MPDZ: variants seen among roughly 807,000 people sequenced by gnomAD.
MPDZ encodes the protein multiple PDZ domain crumbs cell polarity complex component, also known as multiple PDZ domain protein.
In MPDZ, 234 loss-of-function variants were observed where a neutral mutation model predicts 239.1. The ratio of observed to expected loss-of-function variants is 0.98; its 90% confidence interval spans 0.88 to 1.09. MPDZ has a LOEUF of 1.09. Ranked by LOEUF, MPDZ falls within the 50% of genes least tolerant of loss-of-function variation. The probability of loss-of-function intolerance (pLI) is 0.00; values close to 1 mark genes in which losing one functional copy is unlikely to be tolerated. For synonymous variants in MPDZ, 1,048 were observed against 881.3 expected, an observed-to-expected ratio of 1.19 and a Z score of -3.35; for missense variants, 3,175 against 2,510.0, an observed-to-expected ratio of 1.26 and a Z score of -5.66.
chr9:13,273,415 G>C (rs1409184984), intron 1 of MPDZ, among the ~76,000 whole-genome samples: 2 of 152,140 alleles, frequency 1.3e-5, no homozygotes, highest in Non-Finnish European at 2.9e-5. Flanking sequence ...TTCTATGACA[G>C]TTCCCTGAAG....
At chr9:13,164,719 A>G (rs530171816) in intron 22 of MPDZ, among the ~76,000 whole-genome samples, 1 of 152,168 alleles carries the variant, frequency 6.6e-6, no homozygotes, top group East Asian at 1.9e-4. Context: ...TATTTTTCTG[A>G]TACTTTGCAT....
chr9:13,120,566 A>G (rs144513287), intron 38 of MPDZ: 1 of 152,360 alleles, frequency 6.6e-6, no homozygotes, highest in East Asian at 1.9e-4. Flanking sequence ...TTCCAAAAAA[A>G]GTCTATTTTT....
rs774907161 is a variant in MPDZ, at chr9:13,123,144, G to A, written c.4953+9C>T. ...GGCCTGTACAGAAGCACCTCTGGGTGGTGCTCACCAGCAGCGTGTCTGAAC... is the reference window on the plus strand; with the variant it reads ...GGCCTGTACAGAAGCACCTCTGGGTAGTGCTCACCAGCAGCGTGTCTGAAC... On this transcript the variant is annotated intron_variant, in intron 36 of 46. Coordinates refer to ENST00000319217, the MANE Select transcript of MPDZ (RefSeq NM_001378778.1). 3 of 1,610,066 alleles carry A rather than the reference G, an allele frequency of 1.9e-6. No homozygotes were observed. Among genetic ancestry groups the A allele is most frequent in the Non-Finnish European group, 2.5e-6 (3 of 1,178,274 alleles).
In MPDZ at chr9:13,109,034, G is replaced by C. The variant is rs538619524; in HGVS notation, c.5968C>G (p.Leu1990Val). The C allele has an allele frequency of 1.6e-5, 25 of 1,565,936 alleles. No homozygotes were observed. In the Admixed American group the frequency reaches 4.4e-4, roughly 28 times the overall value. Residue 1990 changes from leucine (L) to valine (V), a missense_variant, in exon 46 of 47, where the codon CTA becomes GTA. Physicochemically the swap from Leu to Val is conservative, Grantham distance 32. Transcript: ENST00000319217. ...CCTAAGCCATCTGGTCCTCGCTCTA[G>C]TGTAATAGACTTACATTGAGGAGGT... is the stretch of plus-strand genomic sequence containing the variant. ...LGPPQCKSIT[L>V]ERGPDGLGFS...
In MPDZ at chr9:13,119,597, C is replaced by T; in HGVS notation, c.5284G>A (p.Ala1762Thr). ...SDIVKGGIAD[A>T]DGRLMQGDQI... Reference sequence around the variant, plus strand: ...TCTCCCTGCATCAGTCTTCCATCGGCATCTGCAATTCCTCCTTTGACAATG... The same window carrying T: ...TCTCCCTGCATCAGTCTTCCATCGGTATCTGCAATTCCTCCTTTGACAATG... Residue 1762 changes from alanine (A) to threonine (T), a missense_variant, in exon 39 of 47, where the codon GCC becomes ACC. Physicochemically the swap from Ala to Thr is moderately conservative, Grantham distance 58. Coordinates refer to ENST00000319217, the MANE Select transcript of MPDZ (RefSeq NM_001378778.1). 10 of 1,614,006 alleles carry T rather than the reference C, an allele frequency of 6.2e-6. No individual in the cohort carries two copies. Among genetic ancestry groups the T allele is most frequent in the Non-Finnish European group, 8.5e-6 (10 of 1,179,862 alleles).
At chr9:13,272,563 A>G (rs1390102796) in intron 1 of MPDZ, among the ~76,000 whole-genome samples, 4 of 151,992 alleles carry the variant, frequency 2.6e-5, no homozygotes, top group Non-Finnish European at 5.9e-5. Context: ...TGTAATCCCA[A>G]ATTAGAAAAT....
rs747834087 is a variant in MPDZ at position 13,121,774 on chromosome 9, C to T, written c.5196G>A (p.Pro1732=). ...CAATACTTAATCCTAGGCCTTTTCC[C>T]GGCTTCTTCTGCAGCTCAATAGTGA... is the stretch of plus-strand genomic sequence containing the variant. The part of the protein sequence containing the change: ...DTLTIELQKK[P]GKGLGLSIVG... Residue 1732 remains proline (P), a synonymous_variant, in exon 38 of 47, where the codon CCG becomes CCA. Transcript: ENST00000319217. The T allele has an allele frequency of 6.2e-6, 10 of 1,613,820 alleles. No homozygotes were observed. The highest frequency in any genetic ancestry group is 4.4e-5 in the South Asian group (4 of 91,082).
intron 32 of MPDZ, among the ~76,000 whole-genome samples, chr9:13,129,330 G>C (rs1466111904): frequency 6.6e-6 from 1 of 151,916 alleles, no homozygotes; most frequent in Admixed American, 6.6e-5. Context: ...GGGCATGGTG[G>C]TGCACACCTG....
intron 1 of MPDZ, among the ~76,000 whole-genome samples, chr9:13,262,021 G>A (rs1248704568): frequency 6.6e-6 from 1 of 151,090 alleles, no homozygotes; most frequent in African/African-American, 2.4e-5. Context: ...CTCCAGCCTG[G>A]GCAACAGAAC....
rs71331533 is a variant in MPDZ at position 13,240,580 on chromosome 9, T to TAAAAAAAAAAAAAAA, written c.183+7040_183+7054dup. On this transcript the variant is annotated intron_variant, in intron 3 of 46. Coordinates refer to ENST00000319217, the MANE Select transcript of MPDZ (RefSeq NM_001378778.1). ...CAGAAACAGTGTAACATAATAAAAG[T>TAAAAAAAAAAAAAAA]AAAAAAAAAAAAAAAAAAAAAAAAA... is the stretch of plus-strand genomic sequence containing the variant. Among the ~76,000 whole-genome samples, 56 of 43,994 alleles carry TAAAAAAAAAAAAAAA rather than the reference T, an allele frequency of 1.3e-3. 1 individual carries two copies. The highest frequency in any genetic ancestry group is 1.5e-3 in the Non-Finnish European group (42 of 27,862). 28.9% of individuals were successfully genotyped at this position (43,994 alleles called of 152,430 possible).
chr9:13,259,811 T>C (rs1426679835), intron 1 of MPDZ, among the ~76,000 whole-genome samples: 1 of 152,238 alleles, frequency 6.6e-6, no homozygotes, highest in Non-Finnish European at 1.5e-5. Flanking sequence ...GGGTCCTCCA[T>C]ACTACTCTTA....
At chr9:13,269,086 A>G (rs1564171353) in intron 1 of MPDZ, among the ~76,000 whole-genome samples, 1 of 151,996 alleles carries the variant, frequency 6.6e-6, no homozygotes, top group Non-Finnish European at 1.5e-5. Context: ...AAAGATACAG[A>G]CTCATTCATT....
chr9:13,112,408 C>T (rs2131178886), intron 42 of MPDZ, among the ~76,000 whole-genome samples: 1 of 152,266 alleles, frequency 6.6e-6, no homozygotes, highest in South Asian at 2.1e-4. Flanking sequence ...AGCAGGTAAA[C>T]TCATGAAGTG....
chr9:13,252,346 T>C (rs1466865642), intron 1 of MPDZ, among the ~76,000 whole-genome samples: 1 of 149,846 alleles, frequency 6.7e-6, no homozygotes, highest in Non-Finnish European at 1.5e-5. Flanking sequence ...GGTGGGCGGA[T>C]CACGAGGTCA....
At position 13,221,452 on chromosome 9, in the gene MPDZ, C is replaced by G. The variant is rs964953629; in HGVS notation, c.796G>C (p.Gly266Arg). The change falls in exon 7 of 47, where the codon GGT (glycine) becomes CGT (arginine). Residue 266 changes from glycine (G) to arginine (R), a missense_variant. Transcript: ENST00000319217. The part of the protein sequence containing the change: ...ETIELVNDGS[G>R]LGFGIIGGKA... ...CCTCCTATGATGCCAAATCCCAAAC[C>G]AGATCCATCATTCACCAATTCAATC... 2 of 1,611,358 alleles carry G rather than the reference C, an allele frequency of 1.2e-6. No homozygotes were observed. The highest frequency in any genetic ancestry group is 1.7e-6 in the Non-Finnish European group (2 of 1,178,346).
intron 43 of MPDZ, 39 bp from the exon 44 acceptor site, chr9:13,110,779 G>T: frequency 6.7e-7 from 1 of 1,500,230 alleles, no homozygotes; most frequent in Non-Finnish European, 9.2e-7. Flanking sequence ...TGCTAAAGCA[G>T]CCATGGAGAG....
rs763094170 is a variant in MPDZ at position 13,137,934 on chromosome 9, C to G, written c.4200+23G>C. 1.9e-5 allele frequency: 30 copies of G among 1,610,778 alleles called. No individual in the cohort carries two copies. In the African/African-American group the frequency reaches 3.9e-4, roughly 21 times the overall value. ...TACCCTTATAAAACAAGAATAAATT[C>G]AAAATTTTCCACAAAAACTTACCTC... On this transcript the variant is annotated intron_variant, in intron 29 of 46. Coordinates refer to ENST00000319217, the MANE Select transcript of MPDZ (RefSeq NM_001378778.1).
At chr9:13,152,673 T>C (rs183017132) in intron 24 of MPDZ, among the ~76,000 whole-genome samples, 12 of 152,086 alleles carry the variant, frequency 7.9e-5, no homozygotes, top group Admixed American at 7.9e-4. Flanking sequence ...CTCTGTACTT[T>C]CCTCTCTCCA....
chr9:13,207,146 G>C (rs753388235), intron 10 of MPDZ, among the ~76,000 whole-genome samples: 26 of 151,904 alleles, frequency 1.7e-4, no homozygotes, highest in Non-Finnish European at 2.5e-4. Flanking sequence ...TTTCAAAAAA[G>C]AAAGAAAAAA....
Sources: gnomAD v4.1 joint callset for allele counts (sites outside exome capture counted in the v4.1 genomes callset) on GRCh38, gnomAD v4.1.1 for gene constraint, MANE v1.5 for transcripts, NCBI Gene and HGNC (gene_info 2026-07-23, HGNC 2026-07-21) for gene names.